IL1RAPL1: variants seen among roughly 807,000 people sequenced by gnomAD.
IL1RAPL1 encodes interleukin-1 receptor accessory protein-like 1.
IL1RAPL1 carries 3 observed loss-of-function variants against 48.4 expected under a neutral mutation model. The observed-to-expected ratio is 0.06, with a 90% CI of 0.03 to 0.16. IL1RAPL1 has a LOEUF of 0.16. Ranked by LOEUF, IL1RAPL1 falls within the 10% of genes least tolerant of loss-of-function variation. The pLI is 1.00. For synonymous variants in IL1RAPL1, 185 were observed against 187.7 expected (o/e 0.99, Z 0.12); for missense variants, 349 against 530.6 (o/e 0.66, Z 3.36).
At chrX:28,900,903 C>A (rs376976873) in intron 2 of IL1RAPL1, among the ~76,000 whole-genome samples, 120 of 111,935 alleles carry the variant, frequency 1.1e-3, no homozygotes, top group African/African-American at 3.6e-3. Flanking sequence ...CACTAACTTA[C>A]TGTAAGGATA....
chrX:29,546,885 A>G (rs1022745964), intron 5 of IL1RAPL1, among the ~76,000 whole-genome samples: 1 of 111,938 alleles, frequency 8.9e-6, no homozygotes, highest in Non-Finnish European at 1.9e-5. Flanking sequence ...TATATCATTC[A>G]TCTAGCTATA....
At chrX:29,799,319 C>G (rs1419984542) in intron 6 of IL1RAPL1, among the ~76,000 whole-genome samples, 2 of 112,081 alleles carry the variant, frequency 1.8e-5, no homozygotes, top group Non-Finnish European at 3.8e-5. Flanking sequence ...ATAGCTCTTT[C>G]TTTTATAGCT....
rs770647862 is a variant in IL1RAPL1 at position 29,552,027 on chromosome X, A to G, written c.704-116403A>G. 7.2e-5 allele frequency among the ~76,000 whole-genome samples: 8 copies of G among 111,760 alleles called. No individual in the cohort carries two copies. In the South Asian group the frequency reaches 3.1e-3, roughly 43 times the overall value. On this transcript the variant is annotated intron_variant, in intron 5 of 10. Coordinates refer to ENST00000378993, the MANE Select transcript of IL1RAPL1 (RefSeq NM_014271.4). ...CTATTTCATTCCCATTCAGGATTTC[A>G]AAGAGAATCATTTACCAGCTATTGT...
chrX:28,713,449 T>G (rs1480433719), intron 1 of IL1RAPL1, among the ~76,000 whole-genome samples: 2 of 111,606 alleles, frequency 1.8e-5, no homozygotes, highest in African/African-American at 6.5e-5. Context: ...ATAATTTTTA[T>G]GCATGCCCCA....
chrX:28,770,641 T>C lies in IL1RAPL1; in HGVS notation c.-24-18679T>C, dbSNP rs138491179. 6.6e-3 allele frequency among the ~76,000 whole-genome samples: 742 copies of C among 112,566 alleles called. 5 individuals carry two copies. Among genetic ancestry groups the C allele is most frequent in the African/African-American group, 0.023 (701 of 31,056 alleles). On this transcript the variant is annotated intron_variant, in intron 1 of 10. Coordinates refer to ENST00000378993, the MANE Select transcript of IL1RAPL1 (RefSeq NM_014271.4). ...GCATAATGATTTAGACATGCAGCTC[T>C]GCCTTTTGTATATCTCCAGCCACCA...
intron 2 of IL1RAPL1, among the ~76,000 whole-genome samples, chrX:28,903,126 G>A (rs1462764685): frequency 9.1e-6 from 1 of 110,450 alleles, no homozygotes; most frequent in Admixed American, 9.7e-5. Context: ...TTTTTTGTTT[G>A]TTTGTTTTTT....
chrX:28,833,888 T>G (rs1921136178), intron 2 of IL1RAPL1, among the ~76,000 whole-genome samples: 1 of 112,016 alleles, frequency 8.9e-6, no homozygotes, highest in Non-Finnish European at 1.9e-5. Flanking sequence ...AAACTTTCAG[T>G]ATTTATGGGT....
chrX:28,702,589 A>T (rs1935313397), intron 1 of IL1RAPL1, among the ~76,000 whole-genome samples: 1 of 111,728 alleles, frequency 9.0e-6, no homozygotes. Flanking sequence ...CAAATGCATA[A>T]TCTCATCGTG....
intron 2 of IL1RAPL1, among the ~76,000 whole-genome samples, chrX:29,172,448 C>T (rs757274455): frequency 9.0e-6 from 1 of 111,162 alleles, no homozygotes; most frequent in South Asian, 3.8e-4. Context: ...ATATTTGAGG[C>T]TTACAACGTA....
chrX:28,874,234 G>A, intron 2 of IL1RAPL1, among the ~76,000 whole-genome samples: 1 of 111,559 alleles, frequency 9.0e-6, no homozygotes, highest in East Asian at 2.8e-4. Flanking sequence ...TTCCAATGAA[G>A]GCATAATTCT....
chrX:29,642,826 G>C (rs980372476), intron 5 of IL1RAPL1, among the ~76,000 whole-genome samples: 2 of 112,198 alleles, frequency 1.8e-5, no homozygotes, highest in Admixed American at 1.9e-4. Context: ...GTCCAGTACT[G>C]CCTAACTAAA....
At chrX:28,975,861 T>A (rs930364581) in intron 2 of IL1RAPL1, among the ~76,000 whole-genome samples, 6 of 111,668 alleles carry the variant, frequency 5.4e-5, no homozygotes, top group African/African-American at 1.9e-4. Flanking sequence ...ATAGGTGATA[T>A]TTGAGAAAGA....
At chrX:29,315,406 C>A (rs1012335545) in intron 3 of IL1RAPL1, among the ~76,000 whole-genome samples, 1 of 111,455 alleles carries the variant, frequency 9.0e-6, no homozygotes, top group Non-Finnish European at 1.9e-5. Flanking sequence ...TTTTTATACA[C>A]CAGAAAAACA....
chrX:28,897,624 A>T (rs962609001), intron 2 of IL1RAPL1, among the ~76,000 whole-genome samples: 1 of 112,072 alleles, frequency 8.9e-6, no homozygotes, highest in Non-Finnish European at 1.9e-5. Flanking sequence ...TCGTAGGTGG[A>T]TCTTTCTCAT....
chrX:29,880,266 A>G (rs1931997600), intron 6 of IL1RAPL1, among the ~76,000 whole-genome samples: 1 of 111,896 alleles, frequency 8.9e-6, no homozygotes, highest in African/African-American at 3.2e-5. Flanking sequence ...AGAAAAAGGA[A>G]CTTGCTCTAT....
Position 28,857,254 on chromosome X carries a change from A to G in IL1RAPL1, c.82+67829A>G, listed in dbSNP as rs143088477. On this transcript the variant is annotated intron_variant, in intron 2 of 10. Transcript: ENST00000378993. Reference sequence around the variant, plus strand: ...GAAAAAAAGCTGTCTTTATAACATAAAAGTGTGAGGTGAAGCAGCAAGAGC... The same window carrying G: ...GAAAAAAAGCTGTCTTTATAACATAGAAGTGTGAGGTGAAGCAGCAAGAGC... Among the ~76,000 whole-genome samples the G allele has an allele frequency of 2.8e-3, 310 of 112,423 alleles. 2 individuals are homozygous for G. The highest frequency in any genetic ancestry group is 5.1e-3 in the Non-Finnish European group (271 of 53,247).
intron 3 of IL1RAPL1, among the ~76,000 whole-genome samples, chrX:29,335,669 G>A (rs1300979252): frequency 9.0e-6 from 1 of 111,092 alleles, no homozygotes; most frequent in East Asian, 2.9e-4. Context: ...CAGCTTATTA[G>A]AGGAAATAAG....
chrX:29,214,126 G>A (rs1035090351), intron 2 of IL1RAPL1, among the ~76,000 whole-genome samples: 2 of 111,034 alleles, frequency 1.8e-5, no homozygotes, highest in Non-Finnish European at 3.8e-5. Flanking sequence ...AAATAAAATG[G>A]TTTCTATATG....
intron 5 of IL1RAPL1, among the ~76,000 whole-genome samples, chrX:29,443,231 G>GCTCTCTCTCTCT (rs376805298): frequency 0.29 from 27,177 of 93,420 alleles, 3,741 homozygotes; most frequent in East Asian, 0.49. Flanking sequence ...GCTCTCGCTT[G>GCTCTCTCTCTCT]CTCTCTCTCT....
Sources: gnomAD v4.1 joint callset for allele counts (sites outside exome capture counted in the v4.1 genomes callset) on GRCh38, gnomAD v4.1.1 for gene constraint, MANE v1.5 for transcripts, NCBI Gene and HGNC (gene_info 2026-07-23, HGNC 2026-07-21) for gene names.